PNCK: variants seen among roughly 807,000 people sequenced by gnomAD.
The protein encoded by PNCK is pregnancy up-regulated nonubiquitous CaM kinase.
PNCK carries 21 observed loss-of-function variants against 28.3 expected under a neutral mutation model. The observed-to-expected ratio is 0.74, with a 90% confidence interval of 0.53 to 1.07. The LOEUF is 1.07. Among genes scored for constraint, PNCK ranks in the 50% least tolerant of loss-of-function variants. PNCK has a pLI of 0.00. For missense variants in PNCK, 250 were observed against 298.3 expected (o/e 0.84, Z 1.19); for synonymous variants, 136 against 125.2 (o/e 1.09, Z -0.58).
At position 153,671,575 on chromosome X, in the gene PNCK, G is replaced by T; in HGVS notation, c.512C>A (p.Thr171Asn). Residue 171 changes from threonine to asparagine, a missense_variant, in exon 6 of 12, where the codon ACC becomes AAC. By Grantham distance (65) the Thr-to-Asn change is moderately conservative (BLOSUM62 0). Transcript: ENST00000340888. ...CACATATCCAGGGGTCCCACAGGCG[G>T]TGCCTAGCATGTTCCCAGCCTGGAT... is the stretch of plus-strand genomic sequence containing the variant. ...SKIQAGNMLGTACGTPGYVAP... is the reference protein window; with the variant it reads ...SKIQAGNMLGNACGTPGYVAP... 8.3e-7 allele frequency: 1 copy of T among 1,212,024 alleles called. No homozygotes were observed. The highest frequency in any genetic ancestry group is 1.1e-6 in the Non-Finnish European group (1 of 895,504).
At chrX:153,677,618 GTATATA>G (rs1197328809), upstream of PNCK, among the ~76,000 whole-genome samples, 5 of 82,868 alleles carry the variant, frequency 6.0e-5, no homozygotes, top group African/African-American at 2.4e-4. Context: ...TATATATAGT[GTATATA>G]TATAGTGTGT....
In PNCK at chrX:153,672,034, G is replaced by C. The variant is rs1557040131; in HGVS notation, c.276-16C>G. ...ACCCGTCACCCTGGGGGTGCCAGGG[G>C]TTTGGCTGACCCAGGCACTCAGCCT... On this transcript the variant is annotated splice_polypyrimidine_tract_variant and intron_variant, in intron 4 of 11. Transcript: ENST00000340888. 8.3e-7 allele frequency: 1 copy of C among 1,208,133 alleles called. No homozygotes were observed. Among genetic ancestry groups the C allele is most frequent in the Non-Finnish European group, 1.1e-6 (1 of 893,020 alleles).
intron 2 of PNCK, 28 bp from the exon 3 acceptor site, chrX:153,672,725 G>A (rs782387242): frequency 8.5e-7 from 1 of 1,180,549 alleles, no homozygotes; most frequent in Non-Finnish European, 1.1e-6. Flanking sequence ...GTGGGAGGTG[G>A]GAAGGAAGTG....
intron 1 of PNCK, 35 bp from the exon 2 acceptor site, chrX:153,673,113 C>T: frequency 8.6e-7 from 1 of 1,164,432 alleles, no homozygotes; most frequent in Non-Finnish European, 1.2e-6. Context: ...GGGGGTCTCT[C>T]CCCGCCCCGC....
chrX:153,672,786 T>C (rs1557040466), intron 2 of PNCK, 89 bp from the exon 3 acceptor site: 2 of 1,053,849 alleles, frequency 1.9e-6, no homozygotes, highest in Non-Finnish European at 2.5e-6. Flanking sequence ...GAGGGCCCCC[T>C]GTGAAGGAGA....
chrX:153,672,892 C>T (rs1557040536), intron 2 of PNCK, 117 bp downstream of exon 2: 2 of 948,381 alleles, frequency 2.1e-6, no homozygotes, highest in East Asian at 3.4e-5. Flanking sequence ...TACATATTCA[C>T]ACACACACAC....
At chrX:153,673,268 C>A (rs2091335908) in intron 1 of PNCK, 190 bp from the exon 2 acceptor site, 4 of 1,195,445 alleles carry the variant, frequency 3.3e-6, no homozygotes, top group African/African-American at 1.8e-5. Flanking sequence ...CACGCCTCCA[C>A]ATCCCAGGCC....
Position 153,669,977 on chromosome X carries a change from G to A in PNCK, c.*161C>T. 3.1e-6 allele frequency: 1 copy of A among 317,968 alleles called. No individual in the cohort carries two copies. The highest frequency in any genetic ancestry group is 6.3e-6 in the Non-Finnish European group (1 of 159,125). The allele number at this position is 317,968 out of a possible 1,213,427, so 26.2% of individuals were successfully genotyped here. On this transcript the variant is annotated 3_prime_UTR_variant, in exon 12 of 12. Coordinates refer to ENST00000340888, the MANE Select transcript of PNCK (RefSeq NM_001366977.1). ...AGGGCAGAGCCTGGGGACAGACTTG[G>A]GGGTGCCCCATTCCAACCCCAGCGC...
chrX:153,672,642 C>A lies in PNCK; in HGVS notation c.124G>T (p.Ala42Ser). The A allele has an allele frequency of 8.3e-7, 1 of 1,206,873 alleles. No homozygotes were observed. The change falls in exon 3 of 12, where the codon GCC becomes TCC. Residue 42 changes from alanine to serine, a missense_variant. Coordinates refer to ENST00000340888, the MANE Select transcript of PNCK (RefSeq NM_001366977.1). ...GCCTTCTTGGGGATGCACTTGAGGG[C>A]CACGAGGTGTGCGGAGCCCCGCTCC... is the stretch of plus-strand genomic sequence containing the variant. ...AQERGSAHLV[A>S]LKCIPKKALR...
At chrX:153,679,566 C>CTTTTTTTTTTTTTT (rs1211891003), upstream of PNCK, among the ~76,000 whole-genome samples, 1 of 46,073 alleles carries the variant, frequency 2.2e-5, no homozygotes, top group African/African-American at 9.2e-5. Context: ...CTTTTCTTTT[C>CTTTTTTTTTTTTTT]TTTTTTTTTT....
intron 1 of PNCK, among the ~76,000 whole-genome samples, chrX:153,684,484 C>A (rs1028914774): frequency 6.4e-5 from 7 of 108,801 alleles, no homozygotes; most frequent in Admixed American, 5.8e-4. Flanking sequence ...TCGCCCCCAG[C>A]CCCATTCTTT....
intron 1 of PNCK, among the ~76,000 whole-genome samples, chrX:153,680,964 G>C (rs2091392707): frequency 1.9e-5 from 2 of 106,326 alleles, no homozygotes; most frequent in African/African-American, 7.0e-5. Flanking sequence ...AGGAGGCGGA[G>C]GTTGCAGTGA....
Position 153,671,982 on chromosome X carries a change from C to T in PNCK, c.312G>A (p.Glu104=). 1 of 1,211,098 alleles carries T rather than the reference C, an allele frequency of 8.3e-7. No homozygotes were observed. Among genetic ancestry groups the T allele is most frequent in the Non-Finnish European group, 1.1e-6 (1 of 895,399 alleles). The change falls in exon 5 of 12, where the codon GAG becomes GAA. Residue 104 remains glutamate, a synonymous_variant. Transcript: ENST00000340888. ...CATCCTTCTCTGTGTAGGAGCCGCG[C>T]TCCATGATGCGGTCAAACAGCTCGC... ...TGGELFDRIM[E]RGSYTEKDAS... is the part of the protein sequence containing the mutation.
In PNCK at chrX:153,672,081, C is replaced by G. The variant is rs782294484; in HGVS notation, c.275+45G>C. The G allele has an allele frequency of 1.3e-5, 15 of 1,196,956 alleles. No homozygotes were observed. The East Asian group carries it at 2.4e-4, about 19-fold the overall frequency. On this transcript the variant is annotated intron_variant, in intron 4 of 11. Transcript: ENST00000340888. ...GCCTGGCCTTCAGCCCCACTCACTG[C>G]TCAGTCCCTCCCCGGCTCCCACAGC...
At chrX:153,676,755 T>C (rs782309802), upstream of PNCK, among the ~76,000 whole-genome samples, 2 of 109,459 alleles carry the variant, frequency 1.8e-5, no homozygotes, top group East Asian at 5.7e-4. Context: ...TCCCAACTAC[T>C]TGGGAGTCTG....
upstream of PNCK, among the ~76,000 whole-genome samples, chrX:153,677,562 GTA>G (rs2052254394): frequency 9.9e-6 from 1 of 100,584 alleles, no homozygotes; most frequent in Non-Finnish European, 2.0e-5. Flanking sequence ...TATATAGTGT[GTA>G]TATATAGTGT....
rs1194365881 is a variant in PNCK at position 153,670,517 on chromosome X, C to T, written c.972G>A (p.Glu324=). The change falls in exon 11 of 12, where the codon GAG becomes GAA. Residue 324 remains glutamate (E), a synonymous_variant. Coordinates refer to ENST00000340888, the MANE Select transcript of PNCK (RefSeq NM_001366977.1). ...GQIPEGEGAS[E]QGMARHSHSG... The stretch of plus-strand genomic sequence containing the variant: ...AGTGGCTGTGGCGGGCCATGCCCTG[C>T]TCAGAGGCCCCCTCGCCCTCTGGGA... The T allele has an allele frequency of 5.8e-6, 7 of 1,210,086 alleles. No individual in the cohort carries two copies. Among genetic ancestry groups the T allele is most frequent in the Non-Finnish European group, 7.8e-6 (7 of 895,026 alleles).
rs946114096 is a variant in PNCK, at chrX:153,670,008, G to A, written c.*130C>T. 2.8e-4 allele frequency: 79 copies of A among 286,461 alleles called. 1 individual carries two copies. Among genetic ancestry groups the A allele is most frequent in the Middle Eastern group, 2.5e-3 (2 of 797 alleles). The allele number at this position is 286,461 out of a possible 1,213,427, so 23.6% of individuals were successfully genotyped here. ...CCCCATTCCAACCCCAGCGCCATGCGCCACACCCTCAAATCTCAAAATCCA... is the reference window on the plus strand; with the variant it reads ...CCCCATTCCAACCCCAGCGCCATGCACCACACCCTCAAATCTCAAAATCCA... On this transcript the variant is annotated 3_prime_UTR_variant, in exon 12 of 12. Transcript: ENST00000340888.
Position 153,671,172 on chromosome X carries a change from G to T in PNCK, c.633C>A (p.Pro211=), listed in dbSNP as rs782622364. 2.5e-6 allele frequency: 3 copies of T among 1,211,670 alleles called. No individual in the cohort carries two copies. The highest frequency in any genetic ancestry group is 4.3e-5 in the Admixed American group (2 of 46,086). ...GCTCAGGGTCGCTCTCGTCGTAGAA[G>T]GGGGGGTACCCACACAGCCTGGCAC... ...ISYILLCGYP[P]FYDESDPELF... is the part of the protein sequence containing the mutation. Residue 211 remains proline (P), a synonymous_variant, in exon 8 of 12, where the codon CCC becomes CCA. Transcript: ENST00000340888.
Sources: allele counts gnomAD v4.1 joint callset (sites outside exome capture counted in the v4.1 genomes callset), GRCh38; gene constraint gnomAD v4.1.1; transcripts MANE v1.5; gene names NCBI Gene and HGNC (gene_info 2026-07-23, HGNC 2026-07-21).